The following AGBL4 variants were observed in gnomAD, a reference collection of about 807,000 sequenced individuals.
The protein encoded by AGBL4 is AGBL carboxypeptidase 4.
A neutral mutation model predicts 66.4 loss-of-function variants in AGBL4; 58 were observed. The ratio of observed to expected loss-of-function variants is 0.87; its 90% CI spans 0.71 to 1.09. The LOEUF is 1.09. AGBL4 is among the 50% of genes least tolerant of loss of function. The pLI is 0.00. For missense variants in AGBL4, 579 were observed against 631.0 expected (o/e 0.92, Z 0.88); for synonymous variants, 234 against 222.9 (o/e 1.05, Z -0.44).
intron 2 of AGBL4, among the ~76,000 whole-genome samples, chr1:49,716,556 G>A (rs1263985372): frequency 1.3e-5 from 2 of 151,970 alleles, no homozygotes; most frequent in Non-Finnish European, 2.9e-5. Context: ...AAATCCACAA[G>A]CACATCAAAA....
At chr1:49,485,408 G>T (rs1647044711) in intron 3 of AGBL4, among the ~76,000 whole-genome samples, 1 of 137,402 alleles carries the variant, frequency 7.3e-6, no homozygotes, top group Admixed American at 8.2e-5. Context: ...ATTGAACAAT[G>T]AGAACACATG....
At chr1:49,275,087 T>C (rs1644141587) in intron 3 of AGBL4, among the ~76,000 whole-genome samples, 2 of 152,230 alleles carry the variant, frequency 1.3e-5, no homozygotes, top group Admixed American at 1.3e-4. Context: ...TGTTTTCTTT[T>C]GTCACAGGAC....
intron 6 of AGBL4, among the ~76,000 whole-genome samples, chr1:48,847,129 C>G (rs541893634): frequency 4.6e-5 from 7 of 151,888 alleles, no homozygotes; most frequent in African/African-American, 1.7e-4. Flanking sequence ...GGAGAAACCC[C>G]GTCTCTACTA....
Position 49,997,070 on chromosome 1 carries a change from C to T in AGBL4, c.34+26693G>A, listed in dbSNP as rs565232120. ...CTAAAAGGAGTTCTAAATCTTGAAACGAATCCTCAAAATATACCAAAATAT... is the reference window on the plus strand; with the variant it reads ...CTAAAAGGAGTTCTAAATCTTGAAATGAATCCTCAAAATATACCAAAATAT... On this transcript the variant is annotated intron_variant, in intron 1 of 13. Coordinates refer to ENST00000371839, the MANE Select transcript of AGBL4 (RefSeq NM_032785.4). Among the ~76,000 whole-genome samples, 16 of 152,210 alleles carry T rather than the reference C, an allele frequency of 1.1e-4. No individual in the cohort carries two copies. The South Asian group carries it at 2.1e-3, about 20-fold the overall frequency.
chr1:49,882,562 A>C (rs892278486), intron 1 of AGBL4, among the ~76,000 whole-genome samples: 11 of 152,002 alleles, frequency 7.2e-5, no homozygotes, highest in African/African-American at 2.7e-4. Context: ...CTTTAATTTC[A>C]TTGAGCAGTG....
At chr1:49,682,042 A>G (rs1646704911) in intron 3 of AGBL4, among the ~76,000 whole-genome samples, 1 of 152,228 alleles carries the variant, frequency 6.6e-6, no homozygotes. Context: ...TTTCTTTAAA[A>G]AAATAAATCT....
intron 4 of AGBL4, among the ~76,000 whole-genome samples, chr1:49,100,730 C>CCATAGTTTTAAAACAT (rs1216280710): frequency 1.3e-5 from 2 of 152,182 alleles, no homozygotes; most frequent in Non-Finnish European, 2.9e-5. Context: ...ATAGCAGAAA[C>CCATAGTTTTAAAACAT]AGTTTTAAAA....
chr1:49,936,990 T>C (rs1654129450), intron 1 of AGBL4, among the ~76,000 whole-genome samples: 2 of 152,060 alleles, frequency 1.3e-5, no homozygotes, highest in Admixed American at 1.3e-4. Flanking sequence ...CACATAACAA[T>C]ATTAACTTTA....
chr1:49,923,246 G>T (rs1652445808), intron 1 of AGBL4, among the ~76,000 whole-genome samples: 1 of 152,142 alleles, frequency 6.6e-6, no homozygotes, highest in African/African-American at 2.4e-5. Context: ...AATGGTGCCG[G>T]GATAACTGGT....
At chr1:48,765,764 A>C (rs944913964) in intron 6 of AGBL4, among the ~76,000 whole-genome samples, 19 of 152,250 alleles carry the variant, frequency 1.2e-4, no homozygotes, top group Admixed American at 1.0e-3. Flanking sequence ...GACTCATGTT[A>C]CAACATGGAT....
chr1:48,995,303 A>T (rs1035445744), intron 5 of AGBL4, among the ~76,000 whole-genome samples: 1 of 152,212 alleles, frequency 6.6e-6, no homozygotes, highest in African/African-American at 2.4e-5. Context: ...GTCACAGCAC[A>T]AATTATACTG....
intron 3 of AGBL4, among the ~76,000 whole-genome samples, chr1:49,395,817 A>G (rs1644955922): frequency 2.4e-5 from 2 of 82,192 alleles, no homozygotes; most frequent in Admixed American, 1.4e-4. Context: ...ATATGTATAC[A>G]TATATATATA....
chr1:49,762,059 G>C (rs1274860715), intron 2 of AGBL4, among the ~76,000 whole-genome samples: 1 of 152,088 alleles, frequency 6.6e-6, no homozygotes, highest in East Asian at 1.9e-4. Context: ...ATGTTGCTTT[G>C]ACATACCAAT....
At chr1:48,592,539 G>A (rs1263351378) in intron 9 of AGBL4, among the ~76,000 whole-genome samples, 1 of 152,162 alleles carries the variant, frequency 6.6e-6, no homozygotes, top group Non-Finnish European at 1.5e-5. Flanking sequence ...TTCAGCTTTG[G>A]AGGTGGAATA....
At chr1:49,250,637 T>C (rs957591305) in intron 3 of AGBL4, among the ~76,000 whole-genome samples, 3 of 151,902 alleles carry the variant, frequency 2.0e-5, no homozygotes, top group Non-Finnish European at 4.4e-5. Context: ...AGAGACAGGG[T>C]TTCACCATGT....
chr1:50,020,834 C>G (rs1256245754), intron 1 of AGBL4, among the ~76,000 whole-genome samples: 1 of 152,134 alleles, frequency 6.6e-6, no homozygotes, highest in Non-Finnish European at 1.5e-5. Flanking sequence ...ATAAACACTT[C>G]ATAAATGTTG....
At chr1:49,923,436 T>C (rs1204828222) in intron 1 of AGBL4, among the ~76,000 whole-genome samples, 1 of 151,716 alleles carries the variant, frequency 6.6e-6, no homozygotes, top group Non-Finnish European at 1.5e-5. Context: ...GATGTGATGA[T>C]GGTGACAAAA....
chr1:49,914,474 C>T (rs757010545), intron 1 of AGBL4, among the ~76,000 whole-genome samples: 1 of 152,172 alleles, frequency 6.6e-6, no homozygotes, highest in Non-Finnish European at 1.5e-5. Flanking sequence ...TATATATCTA[C>T]CAAAATTCTG....
In AGBL4 at chr1:48,827,086, A is replaced by G. The variant is rs547744615; in HGVS notation, c.634+40105T>C. Among the ~76,000 whole-genome samples, 4 of 152,322 alleles carry G rather than the reference A, an allele frequency of 2.6e-5. No individual in the cohort carries two copies. The South Asian group carries it at 8.3e-4, about 32-fold the overall frequency. On this transcript the variant is annotated intron_variant, in intron 6 of 13. Transcript: ENST00000371839. ...CTGGACAAATGCTATGTTTTCTTTG[A>G]AATTACCCCTGATTTCTTAAATCAG...
Sources: gnomAD v4.1 joint callset for allele counts (sites outside exome capture counted in the v4.1 genomes callset) on GRCh38, gnomAD v4.1.1 for gene constraint, MANE v1.5 for transcripts, NCBI Gene and HGNC (gene_info 2026-07-23, HGNC 2026-07-21) for gene names.